THSD7A: variants seen among roughly 807,000 people sequenced by gnomAD.
THSD7A encodes the protein thrombospondin type 1 domain containing 7A.
Under a neutral mutation model 231.3 loss-of-function variants are expected in THSD7A, and 96 were observed. The ratio of observed to expected loss-of-function variants is 0.41; its 90% CI spans 0.35 to 0.49. The LOEUF is 0.49. Ranked by LOEUF, THSD7A falls within the 20% of genes least tolerant of loss-of-function variation. The pLI is 0.05. For synonymous variants in THSD7A, 940 were observed against 743.3 expected, an observed-to-expected ratio of 1.26 and a Z score of -4.30; for missense variants, 2,290 against 2,070.2, an observed-to-expected ratio of 1.11 and a Z score of -2.06.
chr7:11,380,248 G>A (rs1441286139), intron 24 of THSD7A, among the ~76,000 whole-genome samples: 1 of 152,042 alleles, frequency 6.6e-6, no homozygotes, highest in Non-Finnish European at 1.5e-5. Flanking sequence ...ATGTATCTAC[G>A]AAATCATTTG....
chr7:11,556,663 A>G (rs1343175286), intron 4 of THSD7A, among the ~76,000 whole-genome samples: 1 of 151,922 alleles, frequency 6.6e-6, no homozygotes, highest in East Asian at 1.9e-4. Context: ...GTCTACTGGT[A>G]ACAACTTCTC....
intron 1 of THSD7A, among the ~76,000 whole-genome samples, chr7:11,794,192 T>C (rs1176083283): frequency 6.6e-6 from 1 of 151,948 alleles, no homozygotes; most frequent in East Asian, 1.9e-4. Context: ...TGAAAATACA[T>C]GTTATACCTC....
At chr7:11,512,757 A>G (rs1787865267) in intron 6 of THSD7A, among the ~76,000 whole-genome samples, 1 of 114,254 alleles carries the variant, frequency 8.8e-6, no homozygotes, top group East Asian at 3.1e-4. Context: ...GGTGGGGAAC[A>G]TCACACACCC....
chr7:11,704,960 T>G lies in THSD7A; in HGVS notation c.191-67999A>C, dbSNP rs1490685083. On this transcript the variant is annotated intron_variant, in intron 1 of 27. Transcript: ENST00000423059. Reference sequence around the variant, plus strand: ...CAGTGGTTGCTTCATCTAATCCATGTTTAATGGCTGCACCATATTTGAAAT... The same window carrying G: ...CAGTGGTTGCTTCATCTAATCCATGGTTAATGGCTGCACCATATTTGAAAT... Among the ~76,000 whole-genome samples, 7 of 151,096 alleles carry G rather than the reference T, an allele frequency of 4.6e-5. No homozygotes were observed. In the Admixed American group the frequency reaches 4.6e-4, roughly 10 times the overall value.
intron 1 of THSD7A, among the ~76,000 whole-genome samples, chr7:11,700,153 C>T (rs558319145): frequency 1.1e-4 from 17 of 151,318 alleles, no homozygotes; most frequent in South Asian, 2.1e-4. Context: ...GCTAAAGCTA[C>T]GGGACTTTAT....
chr7:11,667,247 C>A (rs969566618), intron 1 of THSD7A, among the ~76,000 whole-genome samples: 1 of 152,052 alleles, frequency 6.6e-6, no homozygotes, highest in African/African-American at 2.4e-5. Context: ...CATTACCTTA[C>A]CCTTAAGCCT....
At chr7:11,448,490 C>G (rs952673013) in intron 11 of THSD7A, among the ~76,000 whole-genome samples, 1 of 152,062 alleles carries the variant, frequency 6.6e-6, no homozygotes, top group African/African-American at 2.4e-5. Context: ...GGTTTATGGT[C>G]TAGGCTGAAA....
In THSD7A at chr7:11,417,513, G is replaced by A. The variant is rs1784000722; in HGVS notation, c.3474C>T (p.Cys1158=). ...CACAGTCCTCAGGGCATGGTAATTT[G>A]CACACTCTAGAGCCCAGGGGCATCT... ...PEEMPLGSRV[C]KLPCPEDCVI... Residue 1158 remains cysteine, a synonymous_variant, in exon 17 of 28, where the codon TGC becomes TGT. Coordinates refer to ENST00000423059, the MANE Select transcript of THSD7A (RefSeq NM_015204.3). 1 of 1,613,694 alleles carries A rather than the reference G, an allele frequency of 6.2e-7. No individual in the cohort carries two copies. The highest frequency in any genetic ancestry group is 8.5e-7 in the Non-Finnish European group (1 of 1,179,740).
chr7:11,515,683 TG>T (rs1788002793), intron 6 of THSD7A, among the ~76,000 whole-genome samples: 1 of 152,120 alleles, frequency 6.6e-6, no homozygotes, highest in African/African-American at 2.4e-5. Context: ...AAGCTTGTGA[TG>T]GGGAGAAAAG....
chr7:11,549,582 G>A (rs1218848757), intron 4 of THSD7A, among the ~76,000 whole-genome samples: 4 of 152,092 alleles, frequency 2.6e-5, no homozygotes, highest in African/African-American at 7.2e-5. Flanking sequence ...TATACATTAT[G>A]GAATACTATG....
chr7:11,467,077 C>T (rs1230889000), intron 9 of THSD7A, among the ~76,000 whole-genome samples: 6 of 152,088 alleles, frequency 3.9e-5, no homozygotes, highest in Non-Finnish European at 8.8e-5. Flanking sequence ...CATGATCTCT[C>T]ATCTTCAGTC....
At chr7:11,461,322 A>G (rs940077532) in intron 10 of THSD7A, among the ~76,000 whole-genome samples, 5 of 152,136 alleles carry the variant, frequency 3.3e-5, no homozygotes, top group African/African-American at 1.2e-4. Flanking sequence ...ATATATTAAG[A>G]TGCCAAATTT....
rs956985896 is a variant in THSD7A at position 11,770,438 on chromosome 7, T to A, written c.190+61319A>T. Among the ~76,000 whole-genome samples, 3 of 152,172 alleles carry A rather than the reference T, an allele frequency of 2.0e-5. No homozygotes were observed. The East Asian group carries it at 5.8e-4, about 29-fold the overall frequency. The stretch of plus-strand genomic sequence containing the variant: ...AATTACAGAATTTATTTTCTGTTTA[T>A]CTAAAGTCAAGAGTATAGTTTAAAG... On this transcript the variant is annotated intron_variant, in intron 1 of 27. Coordinates refer to ENST00000423059, the MANE Select transcript of THSD7A (RefSeq NM_015204.3).
chr7:11,593,432 C>A lies in THSD7A; in HGVS notation c.1093G>T (p.Glu365Ter). 1 of 1,613,990 alleles carries A rather than the reference C, an allele frequency of 6.2e-7. No individual in the cohort carries two copies. Among genetic ancestry groups the A allele is most frequent in the East Asian group, 2.2e-5 (1 of 44,872 alleles). ...CVITKECQVS[E>*]WSEWSPCSKT... ...GAGCAGGGGCTCCACTCTGACCACTCGGAAACCTGGCACTCTTTGGTGATC... is the reference window on the plus strand; with the variant it reads ...GAGCAGGGGCTCCACTCTGACCACTAGGAAACCTGGCACTCTTTGGTGATC... Residue 365 changes from glutamate to a stop codon, truncating the protein, a stop_gained, in exon 3 of 28, where the codon GAG becomes TAG. Coordinates refer to ENST00000423059, the MANE Select transcript of THSD7A (RefSeq NM_015204.3). LOFTEE classifies it high-confidence loss of function.
intron 7 of THSD7A, among the ~76,000 whole-genome samples, chr7:11,478,510 T>C (rs1426999387): frequency 2.0e-5 from 3 of 152,070 alleles, no homozygotes; most frequent in Non-Finnish European, 4.4e-5. Context: ...GATGCCCAGC[T>C]GCTTGGCTTT....
chr7:11,678,106 A>T (rs1390287499), intron 1 of THSD7A, among the ~76,000 whole-genome samples: 1 of 152,170 alleles, frequency 6.6e-6, no homozygotes, highest in Non-Finnish European at 1.5e-5. Flanking sequence ...TGGGTAAATA[A>T]CAAAATTAAG....
rs754709910 is a variant in THSD7A, at chr7:11,447,326, G to A, written c.2704C>T (p.Pro902Ser). The A allele has an allele frequency of 6.2e-7, 1 of 1,612,804 alleles. No individual in the cohort carries two copies. Among genetic ancestry groups the A allele is most frequent in the Admixed American group, 1.7e-5 (1 of 59,844 alleles). ...VPALTQACQI[P>S]CQDDCQLTSW... Reference sequence around the variant, plus strand: ...GTCAATTGACAGTCATCCTGGCAGGGGATCTGGCAGGCCTGGGTAAGGGCT... The same window carrying A: ...GTCAATTGACAGTCATCCTGGCAGGAGATCTGGCAGGCCTGGGTAAGGGCT... The change falls in exon 12 of 28, where the codon CCC becomes TCC. Residue 902 changes from proline (P) to serine (S), a missense_variant. Pro to Ser is a moderately conservative substitution (Grantham distance 74). Coordinates refer to ENST00000423059, the MANE Select transcript of THSD7A (RefSeq NM_015204.3).
intron 23 of THSD7A, chr7:11,385,194 AGTC>A (rs1337088644): frequency 1.3e-5 from 2 of 151,730 alleles, no homozygotes; most frequent in African/African-American, 2.4e-5. Flanking sequence ...ACTTCCAAAC[AGTC>A]GTCTATAAAT....
intron 6 of THSD7A, among the ~76,000 whole-genome samples, chr7:11,490,508 G>T (rs1254136877): frequency 6.6e-6 from 1 of 152,082 alleles, no homozygotes; most frequent in African/African-American, 2.4e-5. Flanking sequence ...TGAGACTCAT[G>T]ACTTCTGCTC....
Sources: allele counts gnomAD v4.1 joint callset (sites outside exome capture counted in the v4.1 genomes callset), GRCh38; gene constraint gnomAD v4.1.1; transcripts MANE v1.5; gene names NCBI Gene and HGNC (gene_info 2026-07-23, HGNC 2026-07-21).